PCF11: variants seen among roughly 807,000 people sequenced by gnomAD.
PCF11 encodes the protein PCF11 cleavage and polyadenylation factor subunit.
Under a neutral mutation model 166.1 loss-of-function variants are expected in PCF11, and 19 were observed. The ratio of observed to expected loss-of-function variants is 0.11; its 90% CI spans 0.08 to 0.17. The LOEUF (loss-of-function observed/expected upper bound fraction) is 0.17, where lower values mean the gene tolerates loss of function less well. PCF11 is among the 10% of genes least tolerant of loss of function. PCF11 has a pLI of 1.00. For synonymous variants in PCF11, 663 were observed against 644.1 expected, an observed-to-expected ratio of 1.03 and a Z score of -0.44; for missense variants, 1,565 against 1,855.5, an observed-to-expected ratio of 0.84 and a Z score of 2.88.
chr11:83,175,546 A>C (rs1395130356), intron 9 of PCF11, among the ~76,000 whole-genome samples: 1 of 152,140 alleles, frequency 6.6e-6, no homozygotes, highest in Non-Finnish European at 1.5e-5. Flanking sequence ...GAGTCAGGAG[A>C]TCAGGACCAT....
chr11:83,163,864 A>G, exon 3 of PCF11: 1 of 1,465,228 alleles, frequency 6.8e-7, no homozygotes, highest in East Asian at 2.4e-5. Flanking sequence ...TTTTAAATAA[A>G]TCGGTAAGTT....
Position 83,167,928 on chromosome 11 carries a change from T to A in PCF11, c.2092+423T>A. ...AAAAAGTTAAATCAGATTATGCCTA[T>A]TGAATCACACAGCAGTGAAGGGAAA... On this transcript the variant is annotated intron_variant, in intron 7 of 15. Transcript: ENST00000298281. This position sits in a 1 kb window ranked among gnomAD's most constrained non-coding sequence, Gnocchi z 4.2. 7.8e-7 allele frequency: 1 copy of A among 1,275,356 alleles called. No individual in the cohort carries two copies. The highest frequency in any genetic ancestry group is 1.5e-5 in the African/African-American group (1 of 65,746). 79.0% of individuals were successfully genotyped at this position (1,275,356 alleles called of 1,614,324 possible).
At chr11:83,174,106 T>C (rs1860793584) in intron 9 of PCF11, among the ~76,000 whole-genome samples, 1 of 152,190 alleles carries the variant, frequency 6.6e-6, no homozygotes, top group South Asian at 2.1e-4. Context: ...ATCATAATTA[T>C]TCCCCTTGTT....
At chr11:83,170,920 T>G (rs1554986538) in intron 8 of PCF11, among the ~76,000 whole-genome samples, 1 of 152,210 alleles carries the variant, frequency 6.6e-6, no homozygotes, top group Non-Finnish European at 1.5e-5. Context: ...TTGCCTAGAT[T>G]TACTCTACTG....
chr11:83,178,713 T>C (rs542949075), intron 11 of PCF11, among the ~76,000 whole-genome samples: 24 of 151,386 alleles, frequency 1.6e-4, no homozygotes, highest in African/African-American at 3.6e-4. Flanking sequence ...CTCGGGAGGC[T>C]GAGGCAGGAG....
intron 7 of PCF11, among the ~76,000 whole-genome samples, 158 bp from the exon 8 acceptor site, chr11:83,168,262 GGTGTGTCT>G (rs1170872942): frequency 2.0e-5 from 3 of 152,072 alleles, no homozygotes; most frequent in African/African-American, 7.2e-5. Context: ...TTGTTACTCA[GGTGTGTCT>G]GACTCTAGAG....
At chr11:83,169,230 T>C in exon 8 of PCF11, 1 of 1,613,640 alleles carries the variant, frequency 6.2e-7, no homozygotes, top group African/African-American at 1.3e-5. Context: ...AGTCAGTAGC[T>C]GGTCTGAGAT....
At chr11:83,164,515 T>C (rs1860376683) in intron 4 of PCF11, 114 bp downstream of exon 4, 1 of 720,686 alleles carries the variant, frequency 1.4e-6, no homozygotes, top group African/African-American at 1.8e-5. Flanking sequence ...GTACTCTTTT[T>C]TCACTTTTAT....
intron 4 of PCF11, 84 bp downstream of exon 4, chr11:83,164,485 A>C: frequency 1.0e-6 from 1 of 979,638 alleles, no homozygotes; most frequent in Non-Finnish European, 1.5e-6. Context: ...TTTTATTAAC[A>C]TGTTACTTTT....
exon 8 of PCF11, chr11:83,168,542 T>G: frequency 6.2e-7 from 1 of 1,614,066 alleles, no homozygotes; most frequent in East Asian, 2.2e-5. Context: ...TTCGCCGGCC[T>G]GGATACAAAT....
In PCF11 at chr11:83,166,206, T is replaced by G; in HGVS notation, c.1309T>G (p.Ser437Ala). ...AAAGGATAAAGATGAGCACATGAAG[T>G]CATCCGAACACAGACTGGCTGGAAG... Residue 437 changes from serine (S) to alanine (A), a missense_variant, in exon 5 of 16, where the codon TCA becomes GCA. Around this residue, in one of 12 missense-constraint regions of PCF11, gnomAD observed 468 missense variants for 483.4 expected, o/e 0.97. Transcript: ENST00000298281. The G allele has an allele frequency of 6.2e-7, 1 of 1,612,256 alleles. No individual in the cohort carries two copies. The highest frequency in any genetic ancestry group is 8.5e-7 in the Non-Finnish European group (1 of 1,179,366).
At chr11:83,157,625 C>A in exon 1 of PCF11, 1 of 1,613,804 alleles carries the variant, frequency 6.2e-7, no homozygotes, top group East Asian at 2.2e-5. Flanking sequence ...AGGCCCAAAC[C>A]GCCAAGGTTT....
At chr11:83,170,740 ACTT>A (rs1860659973) in intron 8 of PCF11, among the ~76,000 whole-genome samples, 1 of 152,194 alleles carries the variant, frequency 6.6e-6, no homozygotes, top group South Asian at 2.1e-4. Context: ...GCTGAGTTTT[ACTT>A]CTTTTCCAGG....
intron 5 of PCF11, 101 bp downstream of exon 5, chr11:83,166,815 T>C: frequency 2.1e-6 from 2 of 965,100 alleles, no homozygotes; most frequent in Non-Finnish European, 3.1e-6. Context: ...CTATTAGTAC[T>C]TTTTTTCCAT....
Position 83,168,535 on chromosome 11 carries a change from G to A in PCF11, c.2200G>A (p.Ala734Thr), listed in dbSNP as rs747128402. 3.7e-6 allele frequency: 6 copies of A among 1,613,852 alleles called. No individual in the cohort carries two copies. In the African/African-American group the frequency reaches 5.3e-5, roughly 14 times the overall value. ...TGTAGATAGTCCAGCATCAAGATTC[G>A]CCGGCCTGGATACAAATCAGCGACT... Residue 734 changes from alanine to threonine, a missense_variant, in exon 8 of 16, where the codon GCC becomes ACC. This residue lies in a region of PCF11 where 725 missense variants were observed against 749.3 expected (regional missense o/e 0.97). Transcript: ENST00000298281.
chr11:83,166,814 CT>C, intron 5 of PCF11, 100 bp downstream of exon 5: 17 of 994,714 alleles, frequency 1.7e-5, no homozygotes, highest in Non-Finnish European at 2.2e-5. Context: ...GCTATTAGTA[CT>C]TTTTTTCCAT....
At chr11:83,171,258 T>C (rs999983139) in intron 8 of PCF11, 5 of 453,086 alleles carry the variant, frequency 1.1e-5, no homozygotes, top group Non-Finnish European at 2.2e-5. Context: ...GCTATAACCA[T>C]GTGCAAAGAT....
chr11:83,168,945 C>G, exon 8 of PCF11: 2 of 1,613,408 alleles, frequency 1.2e-6, no homozygotes, highest in Non-Finnish European at 1.7e-6. Flanking sequence ...GACCAGGAGG[C>G]CAGCCTGTGG....
intron 9 of PCF11, among the ~76,000 whole-genome samples, chr11:83,173,877 C>T (rs1432644195): frequency 6.6e-6 from 1 of 151,760 alleles, no homozygotes; most frequent in Non-Finnish European, 1.5e-5. Context: ...ACTACAGGCA[C>T]ATGCCACTAC....
Sources: gnomAD v4.1 joint callset for allele counts (sites outside exome capture counted in the v4.1 genomes callset) on GRCh38, gnomAD v4.1.1 for gene constraint, gnomAD v4.1.1 regional missense constraint, Gnocchi (gnomAD v3.1) non-coding constraint, MANE v1.5 for transcripts, NCBI Gene and HGNC (gene_info 2026-07-23, HGNC 2026-07-21) for gene names.